EMILIN2: variants seen among roughly 807,000 people sequenced by gnomAD.
EMILIN2 encodes the protein EMILIN-2.
A neutral mutation model predicts 87.1 loss-of-function variants in EMILIN2; 71 were observed. The ratio of observed to expected loss-of-function variants is 0.82; its 90% CI spans 0.67 to 0.99. The LOEUF is 0.99. EMILIN2 is among the 50% of genes least tolerant of loss of function. EMILIN2 has a pLI of 0.00. For missense variants in EMILIN2, 1,407 were observed against 1,371.8 expected, an observed-to-expected ratio of 1.03 and a Z score of -0.40; for synonymous variants, 581 against 563.4, an observed-to-expected ratio of 1.03 and a Z score of -0.44.
intron 4 of EMILIN2, among the ~76,000 whole-genome samples, chr18:2,895,218 G>T (rs2076857813): frequency 6.6e-6 from 1 of 152,032 alleles, no homozygotes; most frequent in Non-Finnish European, 1.5e-5. Flanking sequence ...CACAGTGGAA[G>T]TCAGGGAGGG....
At chr18:2,886,140 C>G (rs751802403) in intron 3 of EMILIN2, among the ~76,000 whole-genome samples, 3 of 152,132 alleles carry the variant, frequency 2.0e-5, no homozygotes, top group Admixed American at 6.5e-5. Flanking sequence ...ATTCATTTAT[C>G]TCACAAATAT....
Position 2,848,177 on chromosome 18 carries a change from G to T in EMILIN2, c.257+246G>T, listed in dbSNP as rs1407698621. Among the ~76,000 whole-genome samples the T allele has an allele frequency of 6.6e-6, 1 of 152,232 alleles. No homozygotes were observed. The highest frequency in any genetic ancestry group is 1.5e-5 in the Non-Finnish European group (1 of 68,040). ...CTCGGGAGTGTGGGGTCGCGGGGGC[G>T]TAGGAGAGGATGAACAAAGCTCCCA... On this transcript the variant is annotated intron_variant, in intron 2 of 7. Coordinates refer to ENST00000254528, the MANE Select transcript of EMILIN2 (RefSeq NM_032048.3). The surrounding 1 kb of genome is among the most constrained non-coding windows in gnomAD (Gnocchi z 4.1).
intron 2 of EMILIN2, among the ~76,000 whole-genome samples, chr18:2,881,747 G>A (rs1220154312): frequency 2.0e-5 from 3 of 152,234 alleles, no homozygotes; most frequent in Admixed American, 6.5e-5. Flanking sequence ...GAGGAACCAC[G>A]TTTTTCTGAG....
At chr18:2,871,539 G>A (rs1374563755) in intron 2 of EMILIN2, among the ~76,000 whole-genome samples, 1 of 152,244 alleles carries the variant, frequency 6.6e-6, no homozygotes, top group African/African-American at 2.4e-5. Context: ...AGTGGAGGGT[G>A]TGAGCATTGG....
chr18:2,858,139 CT>C (rs1233461576), intron 2 of EMILIN2, among the ~76,000 whole-genome samples: 1 of 151,918 alleles, frequency 6.6e-6, no homozygotes, highest in Non-Finnish European at 1.5e-5. Flanking sequence ...TTAGGAAGCA[CT>C]TTTTGTTGTA....
In EMILIN2 at chr18:2,913,636, AACTGGAAG is replaced by A. The variant is rs2144083630; in HGVS notation, c.*236_*243del. The A allele has an allele frequency of 8.2e-6, 4 of 486,466 alleles. No homozygotes were observed. Among genetic ancestry groups the A allele is most frequent in the South Asian group, 2.7e-5 (1 of 36,700 alleles). The allele number at this position is 486,466 out of a possible 1,614,324, so 30.1% of individuals were successfully genotyped here. ...GACTTTTCTGCCACTCTAACTGGACAACTGGAAGACTTGGAAAGGCCTCCACCTGTATC... is the reference window on the plus strand; with the variant it reads ...GACTTTTCTGCCACTCTAACTGGACAACTTGGAAAGGCCTCCACCTGTATC... On this transcript the variant is annotated 3_prime_UTR_variant, in exon 8 of 8. Transcript: ENST00000254528.
At position 2,906,985 on chromosome 18, in the gene EMILIN2, C is replaced by G. The variant is rs554651277; in HGVS notation, c.2562C>G (p.Pro854=). Residue 854 remains proline (P), a synonymous_variant, in exon 5 of 8, where the codon CCC becomes CCG. Transcript: ENST00000254528. The part of the protein sequence containing the change: ...VIAETGQAGP[P]AGAGVSGRGL... ...CGGAGACGGGCCAGGCCGGGCCCCCCGCAGGCGCAGGCGTGTCTGGGCGGG... is the reference window on the plus strand; with the variant it reads ...CGGAGACGGGCCAGGCCGGGCCCCCGGCAGGCGCAGGCGTGTCTGGGCGGG... The G allele has an allele frequency of 2.0e-3, 2,702 of 1,376,080 alleles. 51 individuals carry two copies. In the African/African-American group the frequency reaches 0.034, roughly 18 times the overall value. 85.2% of individuals were successfully genotyped at this position (1,376,080 alleles called of 1,614,324 possible).
At position 2,860,873 on chromosome 18, in the gene EMILIN2, A is replaced by G. The variant is rs560990339; in HGVS notation, c.257+12942A>G. On this transcript the variant is annotated intron_variant, in intron 2 of 7. Coordinates refer to ENST00000254528, the MANE Select transcript of EMILIN2 (RefSeq NM_032048.3). ...CCACCAACAGTGTAAAAGTGTTCCT[A>G]TTTCTCCACATCCTCTCCAGCACCT... Among the ~76,000 whole-genome samples, 1,399 of 152,188 alleles carry G rather than the reference A, an allele frequency of 9.2e-3. 23 individuals are homozygous for G. The highest frequency in any genetic ancestry group is 0.032 in the African/African-American group (1,323 of 41,504).
At chr18:2,858,605 G>GTATATATATATA (rs552199862) in intron 2 of EMILIN2, among the ~76,000 whole-genome samples, 4 of 86,200 alleles carry the variant, frequency 4.6e-5, no homozygotes, top group African/African-American at 2.9e-4. Context: ...ATATATATGT[G>GTATATATATATA]TATATATATA....
rs771473923 is a variant in EMILIN2, at chr18:2,888,923, G to A, written c.434-1638G>A. Reference sequence around the variant, plus strand: ...TTCAGAGGAGGAAAAAACAATGATCGTTGAATTCAAATATCTACAACATTC... The same window carrying A: ...TTCAGAGGAGGAAAAAACAATGATCATTGAATTCAAATATCTACAACATTC... On this transcript the variant is annotated intron_variant, in intron 3 of 7. Coordinates refer to ENST00000254528, the MANE Select transcript of EMILIN2 (RefSeq NM_032048.3). Among the ~76,000 whole-genome samples the A allele has an allele frequency of 3.9e-5, 6 of 151,978 alleles. No individual in the cohort carries two copies. In the East Asian group the frequency reaches 5.8e-4, roughly 15 times the overall value.
In EMILIN2 at chr18:2,891,867, G is replaced by T. The variant is rs369773338; in HGVS notation, c.1740G>T (p.Leu580=). ...NREDRAVRDS[L]HLLKSLNDTM... is the part of the protein sequence containing the mutation. ...AAGACCGCGCAGTACGCGACAGCCT[G>T]CACCTTTTGAAATCTCTCAACGACA... Residue 580 remains leucine, a synonymous_variant, in exon 4 of 8, where the codon CTG becomes CTT. Coordinates refer to ENST00000254528, the MANE Select transcript of EMILIN2 (RefSeq NM_032048.3). This position sits in a 1 kb window ranked among gnomAD's most constrained non-coding sequence, Gnocchi z 4.6. 1 of 1,614,134 alleles carries T rather than the reference G, an allele frequency of 6.2e-7. No individual in the cohort carries two copies. Among genetic ancestry groups the T allele is most frequent in the Non-Finnish European group, 8.5e-7 (1 of 1,180,054 alleles).
intron 4 of EMILIN2, among the ~76,000 whole-genome samples, chr18:2,898,755 G>T (rs1170916439): frequency 6.6e-6 from 1 of 152,174 alleles, no homozygotes; most frequent in African/African-American, 2.4e-5. Flanking sequence ...CAGAAAGCCT[G>T]GCCAGGGCAC....
At chr18:2,858,545 ATATATATATATATATATATATATATG>A (rs1294763943) in intron 2 of EMILIN2, among the ~76,000 whole-genome samples, 9 of 46,508 alleles carry the variant, frequency 1.9e-4, no homozygotes, top group Non-Finnish European at 2.8e-4. Context: ...ATATATATAT[ATATATATATATATATATATATATATG>A]TGTGTGTGTG....
chr18:2,901,480 T>G (rs1424848024), intron 4 of EMILIN2, among the ~76,000 whole-genome samples: 1 of 152,238 alleles, frequency 6.6e-6, no homozygotes, highest in Non-Finnish European at 1.5e-5. Context: ...GTTTTGAAAT[T>G]GACTTTTAAT....
rs2076916871 is a variant in EMILIN2 at position 2,906,969 on chromosome 18, G to A, written c.2546G>A (p.Gly849Asp). ...TCCACCGGGGTCATCGCGGAGACGGGCCAGGCCGGGCCCCCCGCAGGCGCA... is the reference window on the plus strand; with the variant it reads ...TCCACCGGGGTCATCGCGGAGACGGACCAGGCCGGGCCCCCCGCAGGCGCA... The part of the protein sequence containing the change: ...PGSTGVIAET[G>D]QAGPPAGAGV... Residue 849 changes from glycine (G) to aspartate (D), a missense_variant, in exon 5 of 8, where the codon GGC (glycine) becomes GAC (aspartate). Gly to Asp is a moderately conservative substitution (Grantham distance 94). Transcript: ENST00000254528. 1.4e-6 allele frequency: 2 copies of A among 1,394,064 alleles called. No homozygotes were observed. The highest frequency in any genetic ancestry group is 3.1e-5 in the East Asian group (1 of 32,094). 86.4% of individuals were successfully genotyped at this position (1,394,064 alleles called of 1,614,324 possible).
intron 7 of EMILIN2, among the ~76,000 whole-genome samples, chr18:2,911,051 T>G (rs1214744355): frequency 6.6e-6 from 1 of 152,174 alleles, no homozygotes; most frequent in Non-Finnish European, 1.5e-5. Context: ...AATGCTTGCC[T>G]CCTCAGAAGA....
intron 4 of EMILIN2, among the ~76,000 whole-genome samples, chr18:2,897,324 ATTAC>A (rs2076868122): frequency 6.6e-6 from 1 of 152,198 alleles, no homozygotes; most frequent in South Asian, 2.1e-4. Flanking sequence ...AAAATTACCT[ATTAC>A]TTAAACCCTC....
intron 2 of EMILIN2, among the ~76,000 whole-genome samples, chr18:2,857,583 G>A (rs1408589981): frequency 2.0e-5 from 3 of 152,178 alleles, no homozygotes; most frequent in African/African-American, 7.2e-5. Context: ...GGGCGATTGC[G>A]ACAGAACTCA....
Position 2,891,037 on chromosome 18 carries a change from CCGACGGT to C in EMILIN2, c.911_917del (p.Pro304ArgfsTer3). ...ACAGCTCCAGGAAGCAGCTCAGGGCCCGACGGTGACCATGACAACCAACGAACTCTAC... is the reference window on the plus strand; with the variant it reads ...ACAGCTCCAGGAAGCAGCTCAGGGCCGACCATGACAACCAACGAACTCTAC... On this transcript the variant is annotated frameshift_variant, in exon 4 of 8. Transcript: ENST00000254528. LOFTEE classifies it high-confidence loss of function. The surrounding 1 kb of genome is among the most constrained non-coding windows in gnomAD (Gnocchi z 4.6). 1 of 1,614,176 alleles carries C rather than the reference CCGACGGT, an allele frequency of 6.2e-7. No individual in the cohort carries two copies.
Sources: gnomAD v4.1 joint callset for allele counts (sites outside exome capture counted in the v4.1 genomes callset) on GRCh38, gnomAD v4.1.1 for gene constraint, Gnocchi (gnomAD v3.1) non-coding constraint, MANE v1.5 for transcripts, NCBI Gene and HGNC (gene_info 2026-07-23, HGNC 2026-07-21) for gene names.